The following VGLL4 variants were observed in gnomAD, a reference collection of about 807,000 sequenced individuals.
VGLL4 encodes the protein transcription cofactor vestigial-like protein 4.
A neutral mutation model predicts 21.0 loss-of-function variants in VGLL4; 7 were observed. The ratio of observed to expected loss-of-function variants is 0.33; its 90% CI spans 0.19 to 0.63. The LOEUF is 0.63. Among genes scored for constraint, VGLL4 ranks in the 20% least tolerant of loss-of-function variants. The pLI, the probability that VGLL4 is intolerant of heterozygous loss-of-function variation, is 0.78. For missense variants in VGLL4, 394 were observed against 425.7 expected, an observed-to-expected ratio of 0.93 and a Z score of 0.66; for synonymous variants, 222 against 173.2, an observed-to-expected ratio of 1.28 and a Z score of -2.21.
At chr3:11,693,072 A>G in intron 2 of VGLL4, 1 of 198,330 alleles carries the variant, frequency 5.0e-6, no homozygotes, top group Non-Finnish European at 1.1e-5. Flanking sequence ...CGAGAGGCTG[A>G]GGTGGGAGGA....
intron 2 of VGLL4, among the ~76,000 whole-genome samples, chr3:11,573,309 AAGGAAGG>A (rs1240240931): frequency 3.4e-4 from 4 of 11,632 alleles, no homozygotes; most frequent in East Asian, 2.9e-3. Flanking sequence ...GAAAGAAAGG[AAGGAAGG>A]AAGAAAGAAA....
chr3:11,605,493 G>C (rs567860659), intron 1 of VGLL4, among the ~76,000 whole-genome samples: 24 of 151,744 alleles, frequency 1.6e-4, no homozygotes, highest in Admixed American at 1.5e-3. Flanking sequence ...AGTTAAACTA[G>C]ACTCATCACC....
chr3:11,686,968 T>C (rs1308669193), intron 2 of VGLL4, among the ~76,000 whole-genome samples: 1 of 152,334 alleles, frequency 6.6e-6, no homozygotes, highest in Admixed American at 6.5e-5. Context: ...TTTGTTTATA[T>C]ACATACATAT....
chr3:11,574,714 C>G (rs1445513455), intron 2 of VGLL4, among the ~76,000 whole-genome samples: 1 of 151,940 alleles, frequency 6.6e-6, no homozygotes, highest in Admixed American at 6.6e-5. Flanking sequence ...GCTCATCACT[C>G]TACATGACAC....
chr3:11,579,328 C>T (rs142033522), intron 2 of VGLL4, among the ~76,000 whole-genome samples: 2,821 of 151,828 alleles, frequency 0.019, 31 homozygotes, highest in Middle Eastern at 0.055. Flanking sequence ...GCTTTACTGA[C>T]AATGGACACC....
intron 1 of VGLL4, among the ~76,000 whole-genome samples, chr3:11,705,006 G>A (rs988612113): frequency 2.0e-5 from 3 of 152,206 alleles, no homozygotes; most frequent in Non-Finnish European, 4.4e-5. Context: ...TTAACAACAC[G>A]CTGCCCAAAT....
At chr3:11,588,703 C>G (rs1280547389) in intron 2 of VGLL4, among the ~76,000 whole-genome samples, 1 of 152,186 alleles carries the variant, frequency 6.6e-6, no homozygotes, top group African/African-American at 2.4e-5. Context: ...ACGTCCCAGA[C>G]AAATGGAAAG....
Position 11,643,827 on chromosome 3 carries a change from G to C in VGLL4, c.-309C>G. 2 of 1,079,828 alleles carry C rather than the reference G, an allele frequency of 1.9e-6. No individual in the cohort carries two copies. The highest frequency in any genetic ancestry group is 1.1e-6 in the Non-Finnish European group (1 of 890,378). The allele number at this position is 1,079,828 out of a possible 1,614,324, so 66.9% of individuals were successfully genotyped here. On this transcript the variant is annotated 5_prime_UTR_variant, in exon 1 of 5. Coordinates refer to ENST00000430365, the MANE Select transcript of VGLL4 (RefSeq NM_001128219.3). ...CCTGGAAATGGAAAAGAGTGAAAAA[G>C]AGAAACGCGCAGCCCGTTTCCTAGG...
At chr3:11,670,253 G>A (rs1291682444) in intron 2 of VGLL4, among the ~76,000 whole-genome samples, 2 of 152,082 alleles carry the variant, frequency 1.3e-5, no homozygotes, top group African/African-American at 4.8e-5. Flanking sequence ...ACATTCAAAA[G>A]CAAAATAAAT....
In VGLL4 at chr3:11,579,702, CCCCCAAGTTTCATGCA is replaced by C. The variant is rs1215171485; in HGVS notation, c.273-14699_273-14684del. Among the ~76,000 whole-genome samples the C allele has an allele frequency of 3.3e-5, 5 of 152,240 alleles. No individual in the cohort carries two copies. The East Asian group carries it at 5.8e-4, about 18-fold the overall frequency. On this transcript the variant is annotated intron_variant, in intron 2 of 4. Coordinates refer to ENST00000430365, the MANE Select transcript of VGLL4 (RefSeq NM_001128219.3). ...TCCAGAGAATTCAGAAGCACCCTCC[CCCCCAAGTTTCATGCA>C]CCCCAAGTTTCATGCACCTTTCCTT...
intron 2 of VGLL4, among the ~76,000 whole-genome samples, chr3:11,680,895 T>C (rs1417521528): frequency 1.3e-5 from 2 of 152,142 alleles, no homozygotes; most frequent in African/African-American, 2.4e-5. Flanking sequence ...TGAGTATCTG[T>C]TGAGTGAATG....
In VGLL4 at chr3:11,656,131, A is replaced by G. The variant is rs117445362; in HGVS notation, c.64+46840T>C. On this transcript the variant is annotated intron_variant, in intron 2 of 5. Coordinates refer to the VGLL4 transcript ENST00000273038. ...ATCAAAGTATGATTTCCTGAAGCAC[A>G]TGGTCTATTGCCATACAAAGGCTCA... is the stretch of plus-strand genomic sequence containing the variant. Among the ~76,000 whole-genome samples, 21 of 152,350 alleles carry G rather than the reference A, an allele frequency of 1.4e-4. No individual in the cohort carries two copies. The East Asian group carries it at 4.0e-3, about 29-fold the overall frequency.
At chr3:11,644,521 C>CT (rs2125334444), upstream of VGLL4, among the ~76,000 whole-genome samples, 1 of 152,168 alleles carries the variant, frequency 6.6e-6, no homozygotes, top group African/African-American at 2.4e-5. Context: ...GACAGAACTA[C>CT]TTTTAAAGTG....
chr3:11,643,606 G>A lies in VGLL4; in HGVS notation c.-88C>T, dbSNP rs1029263313. ...ATCAATTGTTGCTGAGTAGCTCCTG[G>A]CTCTTCAACTTCACAAAGGCAGAGG... On this transcript the variant is annotated 5_prime_UTR_variant, in exon 1 of 5. Transcript: ENST00000430365. The A allele has an allele frequency of 2.1e-5, 33 of 1,590,848 alleles. No homozygotes were observed. Among genetic ancestry groups the A allele is most frequent in the Admixed American group, 5.2e-5 (3 of 58,210 alleles).
chr3:11,662,452 A>C (rs2076051077), intron 2 of VGLL4, among the ~76,000 whole-genome samples: 1 of 152,232 alleles, frequency 6.6e-6, no homozygotes, highest in Admixed American at 6.5e-5. Flanking sequence ...AAACAGGAGA[A>C]TGTAGTAAGG....
chr3:11,713,409 A>G (rs2076875911), intron 1 of VGLL4, among the ~76,000 whole-genome samples: 1 of 152,084 alleles, frequency 6.6e-6, no homozygotes, highest in African/African-American at 2.4e-5. Context: ...TGAAGCATCA[A>G]TGCCAGAAGA....
chr3:11,565,065 A>G lies in VGLL4; in HGVS notation c.273-46T>C. 6.9e-7 allele frequency: 1 copy of G among 1,448,760 alleles called. No homozygotes were observed. The highest frequency in any genetic ancestry group is 9.1e-7 in the Non-Finnish European group (1 of 1,096,940). 89.7% of individuals were successfully genotyped at this position (1,448,760 alleles called of 1,614,324 possible). ...TTCAGGGGGCGTTTTCTCAAAGGCAAAGGGGACAGTGACTGTGCGCCAGGC... is the reference window on the plus strand; with the variant it reads ...TTCAGGGGGCGTTTTCTCAAAGGCAGAGGGGACAGTGACTGTGCGCCAGGC... On this transcript the variant is annotated intron_variant, in intron 2 of 4. Coordinates refer to ENST00000430365, the MANE Select transcript of VGLL4 (RefSeq NM_001128219.3). The surrounding 1 kb of genome is among the most constrained non-coding windows in gnomAD (Gnocchi z 4.1).
At chr3:11,606,550 T>C (rs2074945567) in intron 1 of VGLL4, among the ~76,000 whole-genome samples, 4 of 152,234 alleles carry the variant, frequency 2.6e-5, no homozygotes, top group Admixed American at 2.6e-4. Flanking sequence ...AGAACTTTTC[T>C]GTCTTACAAG....
intron 1 of VGLL4, among the ~76,000 whole-genome samples, chr3:11,707,088 GAAT>G (rs2076771052): frequency 6.6e-6 from 1 of 151,400 alleles, no homozygotes. Context: ...GGCTGAAGCA[GAAT>G]AATTGCTTGA....
Sources: allele counts gnomAD v4.1 joint callset (sites outside exome capture counted in the v4.1 genomes callset), GRCh38; gene constraint gnomAD v4.1.1; non-coding constraint Gnocchi (gnomAD v3.1); transcripts MANE v1.5; gene names NCBI Gene and HGNC (gene_info 2026-07-23, HGNC 2026-07-21).